RAD51B: variants seen among roughly 807,000 people sequenced by gnomAD.
RAD51B encodes the protein RAD51 paralog B, also known as DNA repair protein RAD51 homolog 2.
Under a neutral mutation model 42.2 loss-of-function variants are expected in RAD51B, and 38 were observed. The observed-to-expected ratio is 0.90, with a 90% CI of 0.70 to 1.18. The LOEUF (loss-of-function observed/expected upper bound fraction) is 1.18, where lower values mean the gene tolerates loss of function less well. Ranked by LOEUF, RAD51B falls within the 50% of genes most tolerant of loss-of-function variation. The pLI, the probability that RAD51B is intolerant of heterozygous loss-of-function variation, is 0.00. For missense variants in RAD51B, 373 were observed against 400.7 expected (o/e 0.93, Z 0.59); for synonymous variants, 154 against 145.2 (o/e 1.06, Z -0.43).
chr14:68,236,397 T>C (rs891199399), intron 7 of RAD51B: 1 of 152,196 alleles, frequency 6.6e-6, no homozygotes, highest in African/African-American at 2.4e-5. Context: ...CCTGCTACTG[T>C]AACGTCACCA....
At chr14:68,595,566 GGAC>G (rs1890958295) in exon 11 of RAD51B, 1 of 1,066,398 alleles carries the variant, frequency 9.4e-7, no homozygotes. Context: ...TTTTAAGGAA[GGAC>G]TAAGTGACTT....
chr14:68,635,597 A>G (rs1876663442), intron 10 of RAD51B, among the ~76,000 whole-genome samples: 1 of 151,968 alleles, frequency 6.6e-6, no homozygotes, highest in Non-Finnish European at 1.5e-5. Flanking sequence ...ATTTTATTAA[A>G]CCCCAAAATA....
At chr14:68,200,637 T>A (rs1025675370) in intron 7 of RAD51B, among the ~76,000 whole-genome samples, 1 of 151,924 alleles carries the variant, frequency 6.6e-6, no homozygotes. Flanking sequence ...TTGAAGGAAG[T>A]TGGTAAAATA....
chr14:68,251,525 A>T (rs1290991041), intron 7 of RAD51B, among the ~76,000 whole-genome samples: 5 of 152,192 alleles, frequency 3.3e-5, no homozygotes, highest in Non-Finnish European at 5.9e-5. Flanking sequence ...GTTGGGGAAA[A>T]CAAAATAAAG....
intron 7 of RAD51B, among the ~76,000 whole-genome samples, chr14:68,052,050 C>T (rs977897392): frequency 1.3e-5 from 2 of 152,132 alleles, no homozygotes; most frequent in Non-Finnish European, 2.9e-5. Flanking sequence ...AATAACCAGA[C>T]CATAGACTCT....
At chr14:68,414,381 C>A (rs1169932458) in intron 9 of RAD51B, among the ~76,000 whole-genome samples, 1 of 152,176 alleles carries the variant, frequency 6.6e-6, no homozygotes, top group Non-Finnish European at 1.5e-5. Flanking sequence ...CTGCTTCAAT[C>A]CTGCCCCACC....
At chr14:67,884,551 A>C (rs2043006985) in intron 5 of RAD51B, among the ~76,000 whole-genome samples, 1 of 152,090 alleles carries the variant, frequency 6.6e-6, no homozygotes, top group Admixed American at 6.5e-5. Flanking sequence ...AAAAATTTAC[A>C]CTTTTCCCCC....
intron 9 of RAD51B, among the ~76,000 whole-genome samples, chr14:68,436,670 C>CG (rs2085156614): frequency 6.6e-6 from 1 of 151,780 alleles, no homozygotes; most frequent in South Asian, 2.1e-4. Context: ...TGTGTTTTGG[C>CG]GGGGGGATCC....
intron 7 of RAD51B, among the ~76,000 whole-genome samples, chr14:68,101,647 C>T (rs2077291804): frequency 6.6e-6 from 1 of 152,254 alleles, no homozygotes; most frequent in Non-Finnish European, 1.5e-5. Flanking sequence ...GGCAGCTCCA[C>T]CCCTGTGGCT....
intron 7 of RAD51B, among the ~76,000 whole-genome samples, chr14:68,212,443 C>G (rs1407406413): frequency 6.6e-6 from 1 of 152,190 alleles, no homozygotes; most frequent in African/African-American, 2.4e-5. Context: ...ACAGCAGCAC[C>G]AGCAGCAAGG....
At chr14:67,998,196 T>G (rs1051378857) in intron 7 of RAD51B, among the ~76,000 whole-genome samples, 2 of 152,224 alleles carry the variant, frequency 1.3e-5, no homozygotes, top group Non-Finnish European at 2.9e-5. Context: ...TTAGAAAATA[T>G]AAGTGCAGCT....
intron 8 of RAD51B, among the ~76,000 whole-genome samples, chr14:68,400,710 G>A (rs1413742170): frequency 6.6e-6 from 1 of 152,212 alleles, no homozygotes; most frequent in East Asian, 1.9e-4. Flanking sequence ...GGCTTGTCTT[G>A]AATGAAGCTA....
intron 8 of RAD51B, among the ~76,000 whole-genome samples, chr14:68,407,222 T>A (rs1358441129): frequency 6.6e-6 from 1 of 152,276 alleles, no homozygotes; most frequent in East Asian, 1.9e-4. Flanking sequence ...AATATAGATA[T>A]GATAAAAAGT....
chr14:68,125,121 C>T (rs2077729939), intron 7 of RAD51B: 2 of 152,146 alleles, frequency 1.3e-5, no homozygotes, highest in African/African-American at 4.8e-5. Flanking sequence ...CATTGTTGAG[C>T]TCCATATGAG....
At chr14:68,386,718 C>T (rs2083602439) in intron 8 of RAD51B, among the ~76,000 whole-genome samples, 1 of 152,160 alleles carries the variant, frequency 6.6e-6, no homozygotes, top group African/African-American at 2.4e-5. Context: ...AGAACTCCTC[C>T]TAATGGCATT....
chr14:68,414,436 T>G (rs1277298630), intron 9 of RAD51B, among the ~76,000 whole-genome samples: 1 of 152,114 alleles, frequency 6.6e-6, no homozygotes, highest in African/African-American at 2.4e-5. Context: ...GTTCTTAGAG[T>G]AGAATTAAAA....
At chr14:68,148,770 A>G (rs2078310318) in intron 7 of RAD51B, among the ~76,000 whole-genome samples, 1 of 152,204 alleles carries the variant, frequency 6.6e-6, no homozygotes, top group South Asian at 2.1e-4. Flanking sequence ...TGTATGAGTT[A>G]TTTGGCACTT....
intron 7 of RAD51B, among the ~76,000 whole-genome samples, chr14:68,196,990 G>A (rs1315252288): frequency 6.6e-6 from 1 of 152,116 alleles, no homozygotes; most frequent in Admixed American, 6.6e-5. Context: ...ATAAACAATG[G>A]CTTCTTTAGT....
At chr14:68,511,459 G>C (rs1261214173) in intron 10 of RAD51B, among the ~76,000 whole-genome samples, 1 of 152,192 alleles carries the variant, frequency 6.6e-6, no homozygotes, top group East Asian at 1.9e-4. Flanking sequence ...AGGAATTTTG[G>C]TTAAGCCCGT....
Sources: allele counts gnomAD v4.1 joint callset (sites outside exome capture counted in the v4.1 genomes callset), GRCh38; gene constraint gnomAD v4.1.1; transcripts MANE v1.5; gene names NCBI Gene and HGNC (gene_info 2026-07-23, HGNC 2026-07-21).